Variants in ZNF691 observed in about 807,000 individuals in gnomAD.
The protein encoded by ZNF691 is zinc finger protein 691.
A neutral mutation model predicts 24.1 loss-of-function variants in ZNF691; 11 were observed. The observed-to-expected ratio is 0.46, with a 90% CI of 0.29 to 0.75. The LOEUF (loss-of-function observed/expected upper bound fraction) is 0.75. Among genes scored for constraint, ZNF691 ranks in the 30% least tolerant of loss-of-function variants. The pLI, the probability that ZNF691 is intolerant of heterozygous loss-of-function variation, is 0.11. For missense variants in ZNF691, 356 were observed against 409.0 expected (o/e 0.87, Z 1.12); for synonymous variants, 149 against 153.9 (o/e 0.97, Z 0.23).
At chr1:42,850,209 G>A (rs1020583186) in intron 3 of ZNF691, among the ~76,000 whole-genome samples, 55 of 149,620 alleles carry the variant, frequency 3.7e-4, no homozygotes, top group Admixed American at 3.7e-3. Flanking sequence ...GTGTCTGTGT[G>A]ATTCTGCTTG....
At position 42,851,936 on chromosome 1, in the gene ZNF691, T is replaced by C. The variant is rs896938847; in HGVS notation, c.*123T>C. 2 of 1,424,292 alleles carry C rather than the reference T, an allele frequency of 1.4e-6. No homozygotes were observed. The highest frequency in any genetic ancestry group is 2.8e-5 in the African/African-American group (2 of 70,590). The allele number at this position is 1,424,292 out of a possible 1,614,324, so 88.2% of individuals were successfully genotyped here. ...CCTTCATCCCACTTTGGAGAATGGT[T>C]TTGTATAGCCTCTGAAGTCAGGATC... On this transcript the variant is annotated 3_prime_UTR_variant, in exon 4 of 4. Transcript: ENST00000651192. This position sits in a 1 kb window ranked among gnomAD's most constrained non-coding sequence, Gnocchi z 4.7.
rs58973766 is a variant in ZNF691 at position 42,849,861 on chromosome 1, G to A, written c.84+119G>A. 8,159 of 851,616 alleles carry A rather than the reference G, an allele frequency of 9.6e-3. 458 individuals carry two copies. In the African/African-American group the frequency reaches 0.12, roughly 12 times the overall value. 52.8% of individuals were successfully genotyped at this position (851,616 alleles called of 1,614,324 possible). A position where few individuals can be genotyped will look rare whatever the true frequency, so the allele number is the denominator to read the frequency against. On this transcript the variant is annotated intron_variant, in intron 3 of 3. Transcript: ENST00000651192. ...CAGGACCTGTACTGGGCACTCTTAT[G>A]TGTTTAGTTTTGGGGTGGGGTGTGG...
At chr1:42,850,422 C>T in intron 3 of ZNF691, 2 of 985,208 alleles carry the variant, frequency 2.0e-6, no homozygotes, top group South Asian at 9.4e-5. Flanking sequence ...GCAGAAATCT[C>T]AAGAAAAGCC....
At chr1:42,848,792 G>C (rs759247420) in intron 1 of ZNF691, among the ~76,000 whole-genome samples, 3 of 152,186 alleles carry the variant, frequency 2.0e-5, no homozygotes, top group Non-Finnish European at 4.4e-5. Flanking sequence ...TGGGGCAGGA[G>C]GACTGGGAGT....
At chr1:42,846,872 C>T (rs955464069) in intron 1 of ZNF691, among the ~76,000 whole-genome samples, 2 of 152,230 alleles carry the variant, frequency 1.3e-5, no homozygotes, top group African/African-American at 4.8e-5. Flanking sequence ...AACCCATTCC[C>T]CGGCCCTTCT....
Position 42,851,657 on chromosome 1 carries a change from C to T in ZNF691, c.792C>T (p.Phe264=). 6.2e-7 allele frequency: 1 copy of T among 1,614,220 alleles called. No individual in the cohort carries two copies. Among genetic ancestry groups the T allele is most frequent in the Non-Finnish European group, 8.5e-7 (1 of 1,180,046 alleles). ...PYECTECGRT[F]SDISNFGAHQ... ...AGTGCACTGAGTGTGGGCGGACCTT[C>T]AGCGATATCTCCAACTTTGGAGCAC... The change falls in exon 4 of 4, where the codon TTC becomes TTT. Residue 264 remains phenylalanine, a synonymous_variant. Coordinates refer to ENST00000651192, the MANE Select transcript of ZNF691 (RefSeq NM_001242739.2). This position sits in a 1 kb window ranked among gnomAD's most constrained non-coding sequence, Gnocchi z 4.7.
rs963551719 is a variant in ZNF691 at position 42,851,728 on chromosome 1, G to T, written c.863G>T (p.Cys288Phe). 6 of 1,614,142 alleles carry T rather than the reference G, an allele frequency of 3.7e-6. No individual in the cohort carries two copies. In the African/African-American group the frequency reaches 5.3e-5, roughly 14 times the overall value. ...GAGAAGCCCTACCGGTGCACTGTGT[G>T]TGGGAAACACTTCTCCCGGAGCTCG... The part of the protein sequence containing the change: ...RGEKPYRCTV[C>F]GKHFSRSSNL... The change falls in exon 4 of 4, where the codon TGT (cysteine) becomes TTT (phenylalanine). Residue 288 changes from cysteine (C) to phenylalanine (F), a missense_variant. Transcript: ENST00000651192. The surrounding 1 kb of genome is among the most constrained non-coding windows in gnomAD (Gnocchi z 4.7).
intron 1 of ZNF691, among the ~76,000 whole-genome samples, chr1:42,847,434 G>A (rs1655270701): frequency 6.6e-6 from 1 of 152,110 alleles, no homozygotes; most frequent in Non-Finnish European, 1.5e-5. Context: ...CTGTGCAGCT[G>A]AGCCACCAGG....
intron 3 of ZNF691, 184 bp from the exon 4 acceptor site, chr1:42,850,766 G>C: frequency 6.5e-7 from 1 of 1,550,346 alleles, no homozygotes; most frequent in Non-Finnish European, 8.7e-7. Context: ...AAATATCTCT[G>C]AAAGTTTGTC....
intron 1 of ZNF691, 113 bp downstream of exon 1, chr1:42,846,770 C>A: frequency 6.6e-6 from 1 of 152,486 alleles, no homozygotes; most frequent in Admixed American, 6.5e-5. Context: ...TGCTTTGCTC[C>A]CTGGACCGAG....
At chr1:42,848,499 TA>T (rs1364244797) in intron 1 of ZNF691, among the ~76,000 whole-genome samples, 2 of 152,010 alleles carry the variant, frequency 1.3e-5, no homozygotes, top group Admixed American at 1.3e-4. Flanking sequence ...AAGGAGAAAG[TA>T]GGCAGGAATC....
At chr1:42,847,774 C>T (rs559332166) in intron 1 of ZNF691, among the ~76,000 whole-genome samples, 1 of 152,358 alleles carries the variant, frequency 6.6e-6, no homozygotes, top group South Asian at 2.1e-4. Flanking sequence ...GCATAGGCCC[C>T]AGTTCTGCCA....
At chr1:42,849,834 A>T (rs146572582) in intron 3 of ZNF691, 92 bp downstream of exon 3, 1,295 of 1,124,120 alleles carry the variant, frequency 1.2e-3, no homozygotes, top group Middle Eastern at 1.5e-3. Flanking sequence ...GTTTGCACAA[A>T]TCAGGACCTG....
chr1:42,850,038 AGT>A (rs1429462839), intron 3 of ZNF691, among the ~76,000 whole-genome samples: 1 of 151,536 alleles, frequency 6.6e-6, no homozygotes, highest in Admixed American at 6.6e-5. Flanking sequence ...ATGTGGTATG[AGT>A]GTGTATGTAG....
At position 42,849,371 on chromosome 1, in the gene ZNF691, G is replaced by A. The variant is rs768821721; in HGVS notation, c.-137G>A. 5.2e-5 allele frequency: 29 copies of A among 560,446 alleles called. 1 individual carries two copies. The highest frequency in any genetic ancestry group is 4.1e-4 in the South Asian group (27 of 65,504). The allele number at this position is 560,446 out of a possible 1,614,324, so 34.7% of individuals were successfully genotyped here. A position where few individuals can be genotyped will look rare whatever the true frequency, so the allele number is the denominator to read the frequency against. On this transcript the variant is annotated 5_prime_UTR_variant, in exon 2 of 4. Coordinates refer to ENST00000651192, the MANE Select transcript of ZNF691 (RefSeq NM_001242739.2). ...CAGCATGTGTCACACACTCTGCTGAGTATTACAGGCATTTTTTTCTAATAC... is the reference window on the plus strand; with the variant it reads ...CAGCATGTGTCACACACTCTGCTGAATATTACAGGCATTTTTTTCTAATAC...
In ZNF691 at chr1:42,851,623, G is replaced by C; in HGVS notation, c.758G>C (p.Arg253Thr). ...CATCACCGCACCCACACAGGTGAGA[G>C]ACCTTATGAGTGCACTGAGTGTGGG... ...GVHHRTHTGE[R>T]PYECTECGRT... Residue 253 changes from arginine (R) to threonine (T), a missense_variant, in exon 4 of 4, where the codon AGA becomes ACA. Transcript: ENST00000651192. The surrounding 1 kb of genome is among the most constrained non-coding windows in gnomAD (Gnocchi z 4.7). 1 of 1,614,012 alleles carries C rather than the reference G, an allele frequency of 6.2e-7. No homozygotes were observed. The highest frequency in any genetic ancestry group is 8.5e-7 in the Non-Finnish European group (1 of 1,180,000).
rs535127694 is a variant in ZNF691 at position 42,848,680 on chromosome 1, C to CA, written c.-217-604dup. On this transcript the variant is annotated intron_variant, in intron 1 of 3. Transcript: ENST00000651192. The stretch of plus-strand genomic sequence containing the variant: ...TTACATTGGTAAATTAAAAAAAAAA[C>CA]AAAAAAACAACAAAGACACCAGCTC... Among the ~76,000 whole-genome samples the CA allele has an allele frequency of 2.4e-4, 36 of 150,464 alleles. No homozygotes were observed. The East Asian group carries it at 7.0e-3, about 29-fold the overall frequency.
rs766620762 is a variant in ZNF691, at chr1:42,851,363, G to C, written c.498G>C (p.Leu166=). The C allele has an allele frequency of 5.0e-6, 8 of 1,614,116 alleles. No individual in the cohort carries two copies. The South Asian group carries it at 8.8e-5, about 18-fold the overall frequency. The change falls in exon 4 of 4, where the codon CTG becomes CTC. Residue 166 remains leucine, a synonymous_variant. Coordinates refer to ENST00000651192, the MANE Select transcript of ZNF691 (RefSeq NM_001242739.2). The surrounding 1 kb of genome is among the most constrained non-coding windows in gnomAD (Gnocchi z 4.7). ...GCATCCGGCACGAGCGGATCCACCT[G>C]GAAGAGAAACACTACAAATGCCCCA... ...SNRIRHERIH[L]EEKHYKCPKC...
rs1570558589 is a variant in ZNF691 at position 42,850,993 on chromosome 1, A to C, written c.128A>C (p.His43Pro). The change falls in exon 4 of 4, where the codon CAC (histidine) becomes CCC (proline). Residue 43 changes from histidine (H) to proline (P), a missense_variant. By Grantham distance (77) the His-to-Pro change is moderately conservative (BLOSUM62 -2). Transcript: ENST00000651192. Reference protein sequence around the residue: ...GSEKEQSPEPHLPEEGEGGKP... With the variant: ...GSEKEQSPEPPLPEEGEGGKP... ...GAGAAGGAGCAGAGTCCAGAACCAC[A>C]CCTGCCTGAGGAAGGGGAAGGGGGT... is the stretch of plus-strand genomic sequence containing the variant. The C allele has an allele frequency of 1.3e-6, 2 of 1,543,856 alleles. No individual in the cohort carries two copies. The highest frequency in any genetic ancestry group is 1.7e-6 in the Non-Finnish European group (2 of 1,149,430).
Sources: allele counts gnomAD v4.1 joint callset (sites outside exome capture counted in the v4.1 genomes callset), GRCh38; gene constraint gnomAD v4.1.1; non-coding constraint Gnocchi (gnomAD v3.1); transcripts MANE v1.5; gene names NCBI Gene and HGNC (gene_info 2026-07-23, HGNC 2026-07-21).